The following MTFMT variants were observed in gnomAD, a reference collection of about 807,000 sequenced individuals.
MTFMT encodes the protein mitochondrial methionyl-tRNA formyltransferase.
MTFMT carries 47 observed loss-of-function variants against 51.8 expected under a neutral mutation model. That is an observed-to-expected ratio of 0.91 (90% CI 0.72 to 1.16). The LOEUF is 1.16. Ranked by LOEUF, MTFMT falls within the 50% of genes most tolerant of loss-of-function variation. The pLI, the probability that MTFMT is intolerant of heterozygous loss-of-function variation, is 0.00. For missense variants in MTFMT, 512 were observed against 482.3 expected (o/e 1.06, Z -0.58); for synonymous variants, 196 against 176.7 (o/e 1.11, Z -0.87).
chr15:65,010,966 G>A (rs2086259244), intron 6 of MTFMT, among the ~76,000 whole-genome samples: 1 of 152,154 alleles, frequency 6.6e-6, no homozygotes, highest in Non-Finnish European at 1.5e-5. Flanking sequence ...CCTAAAGACA[G>A]ATGAAGTTGC....
At chr15:65,019,539 A>C (rs758643591) in intron 5 of MTFMT, among the ~76,000 whole-genome samples, 9 of 152,202 alleles carry the variant, frequency 5.9e-5, no homozygotes, top group Non-Finnish European at 1.3e-4. Flanking sequence ...TAATTATAGG[A>C]AATATAAGAG....
intron 8 of MTFMT, 95 bp downstream of exon 8, chr15:65,004,759 G>A: frequency 1.5e-6 from 1 of 681,598 alleles, no homozygotes; most frequent in East Asian, 2.9e-5. Context: ...TCTATGGACA[G>A]GCAGTTAAGT....
intron 6 of MTFMT, among the ~76,000 whole-genome samples, chr15:65,008,150 C>CA (rs2086234165): frequency 6.6e-6 from 1 of 152,062 alleles, no homozygotes; most frequent in African/African-American, 2.4e-5. Flanking sequence ...AAAATGTGCT[C>CA]AATTAACAAA....
chr15:65,023,810 T>C lies in MTFMT; in HGVS notation c.420-16A>G, dbSNP rs754488212. The C allele has an allele frequency of 6.2e-7, 1 of 1,603,802 alleles. No homozygotes were observed. The highest frequency in any genetic ancestry group is 1.1e-5 in the South Asian group (1 of 89,810). The stretch of plus-strand genomic sequence containing the variant: ...CAATATGCCACTGAGTTAGAAAATG[T>C]AGAAATTAGTATGTCAGTGGGCTTT... On this transcript the variant is annotated splice_polypyrimidine_tract_variant and intron_variant, in intron 2 of 8. Transcript: ENST00000220058.
chr15:65,016,461 C>G lies in MTFMT; in HGVS notation c.788G>C (p.Arg263Thr). ...TATATTTCCAATGGCACGGTAAAGT[C>G]TGAATATTTGTTCTGAAGTTTGTTC... ...WEEQTSEQIF[R>T]LYRAIGNIIP... The change falls in exon 6 of 9, where the codon AGA becomes ACA. Residue 263 changes from arginine (R) to threonine (T), a missense_variant. By Grantham distance (71) the Arg-to-Thr change is moderately conservative. Transcript: ENST00000220058. 6.2e-7 allele frequency: 1 copy of G among 1,611,582 alleles called. No homozygotes were observed. Among genetic ancestry groups the G allele is most frequent in the Non-Finnish European group, 8.5e-7 (1 of 1,178,352 alleles).
intron 2 of MTFMT, among the ~76,000 whole-genome samples, chr15:65,025,298 A>T (rs1366884555): frequency 6.6e-6 from 1 of 151,568 alleles, no homozygotes; most frequent in East Asian, 1.9e-4. Context: ...TCAGCTACTC[A>T]GAAGGCTGAG....
intron 6 of MTFMT, among the ~76,000 whole-genome samples, chr15:65,011,814 T>C (rs2086270194): frequency 6.6e-6 from 1 of 152,090 alleles, no homozygotes; most frequent in South Asian, 2.1e-4. Context: ...TTTTTTACTT[T>C]GTTGATAGTG....
Position 65,003,167 on chromosome 15 carries a change from C to T in MTFMT, c.1065G>A (p.Gln355=), listed in dbSNP as rs35477493. The T allele has an allele frequency of 0.029, 46,420 of 1,613,556 alleles. 1,344 individuals are homozygous for T. The highest frequency in any genetic ancestry group is 0.13 in the South Asian group (11,483 of 91,034). The stretch of plus-strand genomic sequence containing the variant: ...GGCTTGGTTGAGCTTGGGAATTTTT[C>T]TGGTACCAGGGGTGCAAATATCCAT... ...FYNGYLHPWY[Q]KNSQAQPSQC... is the part of the protein sequence containing the mutation. Residue 355 remains glutamine, a synonymous_variant, in exon 9 of 9, where the codon CAG becomes CAA. Transcript: ENST00000220058.
chr15:65,006,779 CATTAT>C (rs2086223326), intron 6 of MTFMT, among the ~76,000 whole-genome samples: 1 of 152,128 alleles, frequency 6.6e-6, no homozygotes, highest in Non-Finnish European at 1.5e-5. Context: ...GCAAGCATTA[CATTAT>C]GTTAAAAAAT....
chr15:65,012,572 A>G (rs1483042338), intron 6 of MTFMT, among the ~76,000 whole-genome samples: 1 of 151,920 alleles, frequency 6.6e-6, no homozygotes, highest in Non-Finnish European at 1.5e-5. Flanking sequence ...ATTTTTGTAA[A>G]TATTTTTAGT....
chr15:65,018,166 T>TA lies in MTFMT; in HGVS notation c.722-1640dup, dbSNP rs545004918. Among the ~76,000 whole-genome samples the TA allele has an allele frequency of 1.4e-3, 190 of 140,606 alleles. 2 individuals are homozygous for TA. The highest frequency in any genetic ancestry group is 0.012 in the East Asian group (57 of 4,888). The allele number at this position is 140,606 out of a possible 152,430, so 92.2% of individuals were successfully genotyped here. On this transcript the variant is annotated intron_variant, in intron 5 of 8. Transcript: ENST00000220058. The stretch of plus-strand genomic sequence containing the variant: ...AAAGAAAATAAAGCAATCCCTAAAA[T>TA]AAAAAAAAAAACAACTGAAACTTAA...
chr15:65,013,269 TTTTC>T (rs1236646654), intron 6 of MTFMT, among the ~76,000 whole-genome samples: 3 of 140,556 alleles, frequency 2.1e-5, no homozygotes, highest in East Asian at 1.9e-4. Context: ...CTTTCTTTTA[TTTTC>T]TTTCTTTCTT....
chr15:65,003,256 C>T lies in MTFMT; in HGVS notation c.976G>A (p.Asp326Asn). 1.2e-6 allele frequency: 2 copies of T among 1,611,406 alleles called. No individual in the cohort carries two copies. Among genetic ancestry groups the T allele is most frequent in the Non-Finnish European group, 1.7e-6 (2 of 1,178,450 alleles). The change falls in exon 9 of 9, where the codon GAT becomes AAT. Residue 326 changes from aspartate to asparagine, a missense_variant and splice_region_variant. Transcript: ENST00000220058. Reference protein sequence around the residue: ...QSQILLVYCKDGWIGVRSVML... With the variant: ...QSQILLVYCKNGWIGVRSVML... ...ACTGATCGAACACCAATCCAACCAT[C>T]CTAAAGGGCAAAATACAAATAGTGA...
At chr15:65,007,553 A>C (rs2086228745) in intron 6 of MTFMT, among the ~76,000 whole-genome samples, 1 of 152,212 alleles carries the variant, frequency 6.6e-6, no homozygotes, top group South Asian at 2.1e-4. Context: ...GAGGGCTTAC[A>C]CATTTCTGGA....
At chr15:65,007,002 A>G (rs575939012) in intron 6 of MTFMT, among the ~76,000 whole-genome samples, 69 of 152,286 alleles carry the variant, frequency 4.5e-4, no homozygotes, top group South Asian at 1.5e-3. Flanking sequence ...TCTGTCCCTT[A>G]ACACATGCAC....
intron 6 of MTFMT, among the ~76,000 whole-genome samples, chr15:65,010,043 C>T (rs2086250780): frequency 2.0e-5 from 3 of 152,120 alleles, no homozygotes; most frequent in South Asian, 4.1e-4. Flanking sequence ...ACTCCCCTGC[C>T]GTGGCCCTCT....
intron 8 of MTFMT, 61 bp from the exon 9 acceptor site, chr15:65,003,317 A>G: frequency 6.3e-6 from 8 of 1,279,332 alleles, no homozygotes; most frequent in Non-Finnish European, 8.7e-6. Context: ...AGCCAAGTAA[A>G]TATTAGTTTA....
chr15:65,006,153 T>A lies in MTFMT; in HGVS notation c.852A>T (p.Lys284Asn). The change falls in exon 7 of 9, where the codon AAA (lysine) becomes AAT (asparagine). Residue 284 changes from lysine (K) to asparagine (N), a missense_variant. By Grantham distance (94) the Lys-to-Asn change is moderately conservative. Coordinates refer to ENST00000220058, the MANE Select transcript of MTFMT (RefSeq NM_139242.4). The part of the protein sequence containing the change: ...LQTLWMANTI[K>N]LLDLVEVNSS... ...TGTTAACTTCTACCAAATCCAGAAG[T>A]TTAATGGTATTCGCCATCCAGAGCG... 1 of 1,612,896 alleles carries A rather than the reference T, an allele frequency of 6.2e-7. No individual in the cohort carries two copies. Among genetic ancestry groups the A allele is most frequent in the Non-Finnish European group, 8.5e-7 (1 of 1,179,314 alleles).
intron 5 of MTFMT, 23 bp downstream of exon 5, chr15:65,020,174 G>A (rs773834906): frequency 5.8e-5 from 93 of 1,598,070 alleles, no homozygotes; most frequent in Non-Finnish European, 6.6e-5. Flanking sequence ...AGAAAGATGA[G>A]AGTCTCTGCA....
Sources: allele counts gnomAD v4.1 joint callset (sites outside exome capture counted in the v4.1 genomes callset), GRCh38; gene constraint gnomAD v4.1.1; transcripts MANE v1.5; gene names NCBI Gene and HGNC (gene_info 2026-07-23, HGNC 2026-07-21).